Variants in ADA2 observed in about 807,000 individuals in gnomAD.
ADA2 encodes the protein adenosine deaminase 2.
ADA2 carries 29 observed loss-of-function variants against 44.2 expected under a neutral mutation model. The observed-to-expected ratio is 0.66, with a 90% CI of 0.49 to 0.89. The LOEUF is 0.89. Ranked by LOEUF, ADA2 falls within the 40% of genes least tolerant of loss-of-function variation. ADA2 has a pLI of 0.00. For synonymous variants in ADA2, 215 were observed against 234.9 expected (o/e 0.92, Z 0.77); for missense variants, 637 against 644.8 (o/e 0.99, Z 0.13).
intron 8 of ADA2, 74 bp from the exon 9 acceptor site, chr22:17,182,096 T>G: frequency 8.4e-7 from 1 of 1,197,194 alleles, no homozygotes; most frequent in Middle Eastern, 2.1e-4. Context: ...AGGTGAGACC[T>G]TGAGCCCCAT....
Position 17,189,743 on chromosome 22 carries a change from C to G in ADA2, c.972+199G>C. ...CTGCTCTCCCTTCTCCAGTGACAGCCGTCCCCTGTAGGCCTCTGAAGAGGG... is the reference window on the plus strand; with the variant it reads ...CTGCTCTCCCTTCTCCAGTGACAGCGGTCCCCTGTAGGCCTCTGAAGAGGG... On this transcript the variant is annotated intron_variant, in intron 6 of 9. Transcript: ENST00000399837. 3 of 539,274 alleles carry G rather than the reference C, an allele frequency of 5.6e-6. No individual in the cohort carries two copies. In the Admixed American group the frequency reaches 9.8e-5, roughly 18 times the overall value. The allele number at this position is 539,274 out of a possible 1,614,324, so 33.4% of individuals were successfully genotyped here. A position where few individuals can be genotyped will look rare whatever the true frequency, so the allele number is the denominator to read the frequency against.
intron 1 of ADA2, among the ~76,000 whole-genome samples, chr22:17,217,619 A>T (rs1271020776): frequency 6.6e-6 from 1 of 152,148 alleles, no homozygotes; most frequent in East Asian, 1.9e-4. Context: ...CAGGAGTTCG[A>T]TACCAGCCTG....
chr22:17,203,522 G>A (rs1471636162), intron 4 of ADA2, 41 bp downstream of exon 4: 3 of 1,514,030 alleles, frequency 2.0e-6, no homozygotes, highest in African/African-American at 1.4e-5. Context: ...TCAGGCCAGA[G>A]CAAAGGAGGT....
intron 2 of ADA2, 85 bp from the exon 3 acceptor site, chr22:17,207,375 A>T: frequency 1.0e-6 from 1 of 995,376 alleles, no homozygotes; most frequent in Non-Finnish European, 1.5e-6. Flanking sequence ...GAGGGGGTGA[A>T]GTCCCATCCC....
At chr22:17,204,969 AT>A (rs922371679) in intron 3 of ADA2, among the ~76,000 whole-genome samples, 20 of 148,514 alleles carry the variant, frequency 1.3e-4, no homozygotes, top group Non-Finnish European at 1.6e-4. Context: ...TTAATTTTTT[AT>A]TTTTTGTTGA....
At chr22:17,202,634 A>G (rs977555633) in intron 4 of ADA2, among the ~76,000 whole-genome samples, 4 of 152,114 alleles carry the variant, frequency 2.6e-5, no homozygotes, top group African/African-American at 9.7e-5. Flanking sequence ...CCATCCTAAA[A>G]AGAAACCTGT....
At chr22:17,210,513 C>T (rs1390042350) in intron 1 of ADA2, among the ~76,000 whole-genome samples, 4 of 151,928 alleles carry the variant, frequency 2.6e-5, no homozygotes, top group Non-Finnish European at 5.9e-5. Flanking sequence ...TAAAGGTCAC[C>T]ATGAGGTCAA....
At chr22:17,204,845 A>C (rs2062336011) in intron 3 of ADA2, among the ~76,000 whole-genome samples, 1 of 142,644 alleles carries the variant, frequency 7.0e-6, no homozygotes, top group Non-Finnish European at 1.5e-5. Context: ...CCCAGGCTGG[A>C]GTGCAGTGTC....
intron 2 of ADA2, among the ~76,000 whole-genome samples, chr22:17,209,106 A>C (rs910516002): frequency 6.6e-6 from 1 of 152,050 alleles, no homozygotes; most frequent in Non-Finnish European, 1.5e-5. Context: ...GGGAAAACTA[A>C]AAAGGGAATA....
At chr22:17,205,454 G>C (rs979120405) in intron 3 of ADA2, among the ~76,000 whole-genome samples, 2 of 152,120 alleles carry the variant, frequency 1.3e-5, no homozygotes, top group Non-Finnish European at 1.5e-5. Context: ...CCCAGCCTGT[G>C]GTATTCTGTT....
Position 17,179,238 on chromosome 22 carries a change from T to TG in ADA2, c.*2244dup, listed in dbSNP as rs917524371. The TG allele has an allele frequency of 1.3e-4, 20 of 152,322 alleles. No individual in the cohort carries two copies. Among genetic ancestry groups the TG allele is most frequent in the African/African-American group, 4.8e-4 (20 of 41,442 alleles). 9.4% of individuals were successfully genotyped at this position (152,322 alleles called of 1,614,324 possible). A position where few individuals can be genotyped will look rare whatever the true frequency, so the allele number is the denominator to read the frequency against. ...CTCTGATCACATGAGGTCTTTTATT[T>TG]GGGGCGGCTCTGCTCTACTCCCCTC... On this transcript the variant is annotated 3_prime_UTR_variant, in exon 10 of 10. Coordinates refer to ENST00000399837, the MANE Select transcript of ADA2 (RefSeq NM_001282225.2).
intron 4 of ADA2, among the ~76,000 whole-genome samples, chr22:17,197,418 T>A (rs2062206664): frequency 6.6e-6 from 1 of 152,056 alleles, no homozygotes; most frequent in Admixed American, 6.6e-5. Context: ...CATACCACCA[T>A]ACCTGGCTAA....
At chr22:17,199,922 C>T in intron 4 of ADA2, 1 of 352,634 alleles carries the variant, frequency 2.8e-6, no homozygotes, top group South Asian at 3.6e-5. Flanking sequence ...TCGCCAGGCG[C>T]GGTGGCTCAC....
At chr22:17,183,456 C>CTT (rs1227906560) in intron 7 of ADA2, among the ~76,000 whole-genome samples, 1,172 of 77,260 alleles carry the variant, frequency 0.015, 2 homozygotes, top group Non-Finnish European at 0.018. Flanking sequence ...TTGTGGCACT[C>CTT]TTTTTTTTTT....
intron 2 of ADA2, among the ~76,000 whole-genome samples, chr22:17,207,845 T>A (rs1257579570): frequency 6.6e-6 from 1 of 152,078 alleles, no homozygotes; most frequent in Non-Finnish European, 1.5e-5. Flanking sequence ...TCAACTCCTC[T>A]CCCACTGGCT....
intron 9 of ADA2, 30 bp downstream of exon 9, chr22:17,181,790 G>A (rs1290096283): frequency 6.9e-6 from 11 of 1,587,896 alleles, no homozygotes; most frequent in South Asian, 5.5e-5. Context: ...GGAAGGAGGC[G>A]GGGGACCTGG....
At chr22:17,216,266 G>A (rs2062470038) in intron 1 of ADA2, among the ~76,000 whole-genome samples, 1 of 152,078 alleles carries the variant, frequency 6.6e-6, no homozygotes, top group South Asian at 2.1e-4. Context: ...TCAGCAGGCT[G>A]AGGTGGGAGG....
chr22:17,219,661 G>GATTTTTTTTTT (rs1178590006), upstream of ADA2: 2 of 125,658 alleles, frequency 1.6e-5, no homozygotes, highest in Non-Finnish European at 1.6e-5. Context: ...TGCATGTGGG[G>GATTTTTTTTTT]TTTGTTTTTT....
intron 1 of ADA2, among the ~76,000 whole-genome samples, chr22:17,210,156 C>A (rs571205144): frequency 1.3e-3 from 193 of 151,320 alleles, no homozygotes; most frequent in African/African-American, 4.5e-3. Context: ...TCCCAAAGTG[C>A]TGGGATTACA....
Sources: gnomAD v4.1 joint callset for allele counts (sites outside exome capture counted in the v4.1 genomes callset) on GRCh38, gnomAD v4.1.1 for gene constraint, MANE v1.5 for transcripts, NCBI Gene and HGNC (gene_info 2026-07-23, HGNC 2026-07-21) for gene names.